The following RARB variants were observed in gnomAD, a reference collection of about 807,000 sequenced individuals.
RARB encodes the protein retinoic acid receptor beta.
RARB carries 17 observed loss-of-function variants against 51.9 expected under a neutral mutation model. The ratio of observed to expected loss-of-function variants is 0.33; its 90% CI spans 0.22 to 0.49. The LOEUF (loss-of-function observed/expected upper bound fraction) is 0.49. Ranked by LOEUF, RARB falls within the 20% of genes least tolerant of loss-of-function variation. RARB has a pLI of 0.99. For missense variants in RARB, 369 were observed against 550.8 expected (o/e 0.67, Z 3.30); for synonymous variants, 215 against 195.4 (o/e 1.10, Z -0.84).
intron 2 of RARB, among the ~76,000 whole-genome samples, chr3:24,980,531 G>A (rs558431081): frequency 5.3e-5 from 8 of 152,038 alleles, no homozygotes; most frequent in South Asian, 4.2e-4. Context: ...GATCAAATTC[G>A]ATCCTTTCTT....
At chr3:25,202,503 C>T (rs1701419682) in intron 5 of RARB, among the ~76,000 whole-genome samples, 1 of 152,006 alleles carries the variant, frequency 6.6e-6, no homozygotes, top group South Asian at 2.1e-4. Flanking sequence ...GCTCTTGCTT[C>T]TCAGTTCTTT....
chr3:25,068,856 G>C (rs1698715626), intron 3 of RARB, among the ~76,000 whole-genome samples: 1 of 151,846 alleles, frequency 6.6e-6, no homozygotes, highest in African/African-American at 2.4e-5. Flanking sequence ...TTTATGGTTA[G>C]TATCAGAAAT....
intron 5 of RARB, among the ~76,000 whole-genome samples, chr3:25,405,402 T>C (rs114997555): frequency 0.015 from 2,359 of 152,262 alleles, 57 homozygotes; most frequent in African/African-American, 0.05. Flanking sequence ...ATGACAGCCA[T>C]GAATATACTT....
chr3:25,330,996 C>G (rs537217493), intron 5 of RARB, among the ~76,000 whole-genome samples: 1 of 152,148 alleles, frequency 6.6e-6, no homozygotes, highest in Non-Finnish European at 1.5e-5. Context: ...ATATATGCAC[C>G]CAATACAGGA....
chr3:24,905,584 TAAA>T (rs1462050903), intron 2 of RARB, among the ~76,000 whole-genome samples: 1 of 152,168 alleles, frequency 6.6e-6, no homozygotes, highest in Admixed American at 6.5e-5. Flanking sequence ...TTTCCTGATT[TAAA>T]AAAGGAAAAG....
At chr3:25,277,404 G>T (rs147230472) in intron 5 of RARB, among the ~76,000 whole-genome samples, 154 of 152,298 alleles carry the variant, frequency 1.0e-3, no homozygotes, top group Non-Finnish European at 1.9e-3. Context: ...CTCACTTGCA[G>T]AAGTGGAAAG....
intron 2 of RARB, among the ~76,000 whole-genome samples, chr3:25,041,055 T>A (rs1412608512): frequency 6.6e-6 from 1 of 152,216 alleles, no homozygotes; most frequent in African/African-American, 2.4e-5. Context: ...ATGGAATGAT[T>A]AAAATTTTAT....
At chr3:25,455,669 A>T (rs760617799) in intron 1 of RARB, among the ~76,000 whole-genome samples, 11 of 152,154 alleles carry the variant, frequency 7.2e-5, no homozygotes, top group Non-Finnish European at 1.5e-4. Flanking sequence ...TCTCAGCATC[A>T]CTGGTGCTGA....
intron 5 of RARB, among the ~76,000 whole-genome samples, chr3:25,341,280 C>A (rs538356512): frequency 1.3e-5 from 2 of 152,266 alleles, no homozygotes; most frequent in East Asian, 3.9e-4. Context: ...TCCATAAAGT[C>A]TGGAAACATA....
At chr3:25,053,478 C>T (rs1575137969) in intron 2 of RARB, among the ~76,000 whole-genome samples, 1 of 152,096 alleles carries the variant, frequency 6.6e-6, no homozygotes, top group African/African-American at 2.4e-5. Context: ...GAATCCTTGG[C>T]GGCAGTTCCT....
intron 5 of RARB, among the ~76,000 whole-genome samples, chr3:25,397,657 G>A (rs535518146): frequency 2.0e-4 from 31 of 152,276 alleles, no homozygotes; most frequent in Non-Finnish European, 3.8e-4. Context: ...AAAGTATTGA[G>A]TATCCCTTCT....
At chr3:25,158,435 C>T (rs1370969260) in intron 4 of RARB, among the ~76,000 whole-genome samples, 1 of 152,198 alleles carries the variant, frequency 6.6e-6, no homozygotes, top group African/African-American at 2.4e-5. Context: ...CTTGAAGAAG[C>T]TGTAGACCTA....
intron 5 of RARB, among the ~76,000 whole-genome samples, chr3:25,199,917 T>A (rs1242062264): frequency 1.3e-5 from 2 of 152,206 alleles, no homozygotes; most frequent in Non-Finnish European, 2.9e-5. Context: ...TGTGTGCATG[T>A]GTCTTCATAG....
chr3:25,510,818 A>G (rs1321116457), intron 3 of RARB, among the ~76,000 whole-genome samples: 2 of 152,200 alleles, frequency 1.3e-5, no homozygotes, highest in African/African-American at 4.8e-5. Flanking sequence ...TTTATTACCA[A>G]TGAGAAAAAT....
intron 2 of RARB, among the ~76,000 whole-genome samples, chr3:24,965,677 G>A (rs1696238872): frequency 1.3e-5 from 2 of 152,098 alleles, no homozygotes; most frequent in South Asian, 2.1e-4. Context: ...ACAGTTATAA[G>A]GATTAAATGA....
intron 1 of RARB, among the ~76,000 whole-genome samples, chr3:25,445,138 C>T (rs994783780): frequency 1.3e-5 from 2 of 151,896 alleles, no homozygotes; most frequent in South Asian, 2.1e-4. Flanking sequence ...TTAGTAGAGA[C>T]GGAATTTCAC....
intron 2 of RARB, among the ~76,000 whole-genome samples, chr3:24,963,176 A>G (rs1293876882): frequency 6.6e-6 from 1 of 151,932 alleles, no homozygotes; most frequent in African/African-American, 2.4e-5. Flanking sequence ...TGTTTTTTAA[A>G]AGCTAGTTAC....
chr3:25,136,864 T>C (rs185571471), intron 4 of RARB, among the ~76,000 whole-genome samples: 20 of 152,066 alleles, frequency 1.3e-4, no homozygotes, highest in African/African-American at 4.3e-4. Context: ...AGCAGATCAT[T>C]CACTAGGGAA....
intron 2 of RARB, among the ~76,000 whole-genome samples, chr3:25,038,812 G>A (rs1698056193): frequency 6.6e-6 from 1 of 152,110 alleles, no homozygotes; most frequent in Admixed American, 6.6e-5. Context: ...CTACCACCTG[G>A]AGCCTTATTG....
Sources: allele counts gnomAD v4.1 joint callset (sites outside exome capture counted in the v4.1 genomes callset), GRCh38; gene constraint gnomAD v4.1.1; transcripts MANE v1.5; gene names NCBI Gene and HGNC (gene_info 2026-07-23, HGNC 2026-07-21).